The following TAFA1 variants were observed in gnomAD, a reference collection of about 807,000 sequenced individuals.
The protein encoded by TAFA1 is TAFA chemokine like family member 1.
Under a neutral mutation model 18.5 loss-of-function variants are expected in TAFA1, and 4 were observed. The ratio of observed to expected loss-of-function variants is 0.22; its 90% CI spans 0.11 to 0.49. The LOEUF (loss-of-function observed/expected upper bound fraction) is 0.49. TAFA1 is among the 20% of genes least tolerant of loss of function. The pLI, the probability that TAFA1 is intolerant of heterozygous loss-of-function variation, is 0.98. For missense variants in TAFA1, 147 were observed against 169.0 expected, an observed-to-expected ratio of 0.87 and a Z score of 0.72; for synonymous variants, 56 against 55.2, an observed-to-expected ratio of 1.01 and a Z score of -0.06.
chr3:68,133,467 A>G (rs1459952570), intron 2 of TAFA1, among the ~76,000 whole-genome samples: 1 of 152,090 alleles, frequency 6.6e-6, no homozygotes, highest in Non-Finnish European at 1.5e-5. Flanking sequence ...CAGTATGGCC[A>G]TTTTCACAAT....
At chr3:68,539,980 T>G (rs1477343167) in intron 4 of TAFA1, among the ~76,000 whole-genome samples, 1 of 152,006 alleles carries the variant, frequency 6.6e-6, no homozygotes, top group Non-Finnish European at 1.5e-5. Context: ...TATGCTGAAG[T>G]TTTATTCTAC....
intron 3 of TAFA1, among the ~76,000 whole-genome samples, chr3:68,440,636 A>T (rs2071359278): frequency 6.6e-6 from 1 of 152,136 alleles, no homozygotes; most frequent in African/African-American, 2.4e-5. Context: ...TTCCTGGTAG[A>T]GTGACCCAAA....
At chr3:68,087,956 G>A (rs1054224989) in intron 2 of TAFA1, among the ~76,000 whole-genome samples, 14 of 151,968 alleles carry the variant, frequency 9.2e-5, no homozygotes, top group African/African-American at 2.9e-4. Context: ...CTGTGTGCCA[G>A]GTTCTGGGAC....
chr3:68,053,025 T>C (rs9815465), intron 2 of TAFA1, among the ~76,000 whole-genome samples: 77,038 of 152,046 alleles, frequency 0.51, 19,931 homozygotes, highest in South Asian at 0.64. Flanking sequence ...CAATTTAACT[T>C]CTTTCTCCTG....
At chr3:68,375,997 G>T (rs1257502912) in intron 2 of TAFA1, among the ~76,000 whole-genome samples, 1 of 152,132 alleles carries the variant, frequency 6.6e-6, no homozygotes, top group Non-Finnish European at 1.5e-5. Flanking sequence ...CTAATTAAGT[G>T]ATGTTTTTCA....
chr3:68,207,628 C>A (rs143625480), intron 2 of TAFA1, among the ~76,000 whole-genome samples: 9 of 151,988 alleles, frequency 5.9e-5, no homozygotes, highest in African/African-American at 2.2e-4. Flanking sequence ...TAAGAACTAC[C>A]AAATGAGCAT....
chr3:68,515,878 G>C (rs139290402), intron 3 of TAFA1, among the ~76,000 whole-genome samples: 4 of 152,076 alleles, frequency 2.6e-5, no homozygotes, highest in Admixed American at 1.3e-4. Flanking sequence ...CTGTGAACAC[G>C]AGCTCCTCTT....
At chr3:68,509,423 T>C (rs561962970) in intron 3 of TAFA1, among the ~76,000 whole-genome samples, 2 of 152,214 alleles carry the variant, frequency 1.3e-5, no homozygotes, top group East Asian at 1.9e-4. Flanking sequence ...GCCTGTCTCC[T>C]GAAATGCAAA....
At chr3:68,207,637 A>G (rs1463832443) in intron 2 of TAFA1, among the ~76,000 whole-genome samples, 1 of 151,978 alleles carries the variant, frequency 6.6e-6, no homozygotes, top group African/African-American at 2.4e-5. Flanking sequence ...CCAAATGAGC[A>G]TTGACACACA....
chr3:68,285,204 G>A (rs1017299370), intron 2 of TAFA1, among the ~76,000 whole-genome samples: 2 of 152,196 alleles, frequency 1.3e-5, no homozygotes, highest in Non-Finnish European at 2.9e-5. Context: ...CCATTGATAT[G>A]AATTGCAAGA....
At chr3:68,258,637 G>A (rs1575718206) in intron 2 of TAFA1, among the ~76,000 whole-genome samples, 1 of 152,254 alleles carries the variant, frequency 6.6e-6, no homozygotes, top group East Asian at 1.9e-4. Context: ...CACAGCAAAA[G>A]AAAGATCAGC....
intron 2 of TAFA1, among the ~76,000 whole-genome samples, chr3:68,238,811 C>G (rs1401020243): frequency 6.6e-6 from 1 of 152,096 alleles, no homozygotes; most frequent in East Asian, 1.9e-4. Flanking sequence ...TATAAGAGAA[C>G]ATTTACACCG....
chr3:68,050,710 A>G (rs2064459954), intron 2 of TAFA1, among the ~76,000 whole-genome samples: 1 of 152,168 alleles, frequency 6.6e-6, no homozygotes, highest in Non-Finnish European at 1.5e-5. Context: ...CTTCTAAAGC[A>G]AGGGTCAGCC....
chr3:68,297,026 G>T (rs200859226), intron 2 of TAFA1, among the ~76,000 whole-genome samples: 131 of 152,242 alleles, frequency 8.6e-4, no homozygotes, highest in African/African-American at 3.1e-3. Flanking sequence ...GATCTTGCAG[G>T]TAGATGGAAC....
At chr3:68,144,862 C>A in intron 2 of TAFA1, 2 of 626,464 alleles carry the variant, frequency 3.2e-6, no homozygotes, top group Admixed American at 2.6e-5. Flanking sequence ...AGCACAATGT[C>A]TTTTACATTT....
intron 3 of TAFA1, among the ~76,000 whole-genome samples, chr3:68,429,796 A>G (rs759135942): frequency 2.7e-4 from 41 of 152,038 alleles, no homozygotes; most frequent in Non-Finnish European, 4.4e-4. Context: ...AACTTAGATC[A>G]TCAATTCCAG....
At chr3:68,053,886 G>A (rs2064502056) in intron 2 of TAFA1, among the ~76,000 whole-genome samples, 1 of 151,868 alleles carries the variant, frequency 6.6e-6, no homozygotes, top group Non-Finnish European at 1.5e-5. Flanking sequence ...AAATTTTTTT[G>A]TAGAGATGAG....
intron 2 of TAFA1, among the ~76,000 whole-genome samples, chr3:68,389,464 A>C (rs1209546514): frequency 6.6e-6 from 1 of 152,172 alleles, no homozygotes; most frequent in Non-Finnish European, 1.5e-5. Context: ...AATAGAAGAG[A>C]TTTTAAGAAT....
chr3:68,519,469 C>T (rs1163800957), intron 3 of TAFA1, among the ~76,000 whole-genome samples: 1 of 152,196 alleles, frequency 6.6e-6, no homozygotes, highest in Non-Finnish European at 1.5e-5. Flanking sequence ...ATGATTACCT[C>T]ATAGTTTTGT....
Sources: allele counts gnomAD v4.1 joint callset (sites outside exome capture counted in the v4.1 genomes callset), GRCh38; gene constraint gnomAD v4.1.1; transcripts MANE v1.5; gene names NCBI Gene and HGNC (gene_info 2026-07-23, HGNC 2026-07-21).